LRP1B: variants seen among roughly 807,000 people sequenced by gnomAD.
The protein encoded by LRP1B is LDL receptor related protein 1B, also known as low-density lipoprotein receptor-related protein 1B.
LRP1B carries 217 observed loss-of-function variants against 556.6 expected under a neutral mutation model. That is an observed-to-expected ratio of 0.39 (90% CI 0.35 to 0.44). The LOEUF is 0.44. Ranked by LOEUF, LRP1B falls within the 20% of genes least tolerant of loss-of-function variation. The pLI is 1.00. For synonymous variants in LRP1B, 2,047 were observed against 1,865.8 expected (o/e 1.10, Z -2.50); for missense variants, 5,053 against 5,620.8 (o/e 0.90, Z 3.23).
chr2:140,926,957 C>T (rs1320456399), intron 20 of LRP1B, among the ~76,000 whole-genome samples: 1 of 152,070 alleles, frequency 6.6e-6, no homozygotes, highest in Admixed American at 6.6e-5. Context: ...ATATTCATTA[C>T]ATCAGATTGA....
chr2:140,532,727 T>G (rs973472756), intron 47 of LRP1B, among the ~76,000 whole-genome samples: 4 of 151,942 alleles, frequency 2.6e-5, no homozygotes, highest in Non-Finnish European at 5.9e-5. Context: ...ATATGTAATC[T>G]GTCTGTGACT....
chr2:141,466,852 ACTTTT>A lies in LRP1B; in HGVS notation c.343+13539_343+13543del, dbSNP rs201148606. Among the ~76,000 whole-genome samples, 150 of 151,314 alleles carry A rather than the reference ACTTTT, an allele frequency of 9.9e-4. 3 individuals are homozygous for A. The highest frequency in any genetic ancestry group is 3.3e-3 in the African/African-American group (135 of 41,068). On this transcript the variant is annotated intron_variant, in intron 3 of 90. Transcript: ENST00000389484. ...AGAAAATGTAAAATTCTGTAAAACT[ACTTTT>A]TTTTTTAATCCAGTCTTTTAAAGAT...
chr2:142,067,363 T>C (rs1445213227), intron 1 of LRP1B, among the ~76,000 whole-genome samples: 1 of 151,442 alleles, frequency 6.6e-6, no homozygotes, highest in Non-Finnish European at 1.5e-5. Context: ...GTTTAAAAAA[T>C]GTAATATATT....
intron 5 of LRP1B, among the ~76,000 whole-genome samples, chr2:141,237,921 CTG>C (rs1683704826): frequency 6.6e-6 from 1 of 152,066 alleles, no homozygotes; most frequent in South Asian, 2.1e-4. Context: ...ATATGGGGGA[CTG>C]TTTGAATATG....
chr2:140,759,713 G>A (rs1285474854), intron 35 of LRP1B, among the ~76,000 whole-genome samples: 1 of 152,136 alleles, frequency 6.6e-6, no homozygotes, highest in Admixed American at 6.5e-5. Context: ...GGCAATACTG[G>A]AACTCAGTCT....
At chr2:140,373,759 G>A (rs370410261) in intron 68 of LRP1B, among the ~76,000 whole-genome samples, 14 of 152,166 alleles carry the variant, frequency 9.2e-5, no homozygotes, top group African/African-American at 2.9e-4. Context: ...CTCGAGTCTA[G>A]GCAACATAGT....
At chr2:141,792,343 A>G (rs1695641999) in intron 2 of LRP1B, among the ~76,000 whole-genome samples, 1 of 152,008 alleles carries the variant, frequency 6.6e-6, no homozygotes, top group Non-Finnish European at 1.5e-5. Context: ...TGAAATAATA[A>G]TTTATGAATC....
chr2:140,270,180 A>G, intron 86 of LRP1B, 62 bp downstream of exon 86: 1 of 1,137,752 alleles, frequency 8.8e-7, no homozygotes, highest in South Asian at 1.2e-5. Flanking sequence ...ATAATAGAAC[A>G]GGGATTTCAT....
intron 20 of LRP1B, among the ~76,000 whole-genome samples, chr2:140,930,434 A>G (rs1026582524): frequency 6.6e-6 from 1 of 152,098 alleles, no homozygotes; most frequent in Non-Finnish European, 1.5e-5. Context: ...AAGACTAGCA[A>G]CTGTACAGTG....
intron 3 of LRP1B, among the ~76,000 whole-genome samples, chr2:141,262,084 T>C (rs2105353011): frequency 6.6e-6 from 1 of 152,300 alleles, no homozygotes; most frequent in African/African-American, 2.4e-5. Flanking sequence ...TTTTTAGTCA[T>C]TTGAGTATAT....
At chr2:141,858,019 A>G (rs1698117103) in intron 1 of LRP1B, among the ~76,000 whole-genome samples, 1 of 152,164 alleles carries the variant, frequency 6.6e-6, no homozygotes, top group South Asian at 2.1e-4. Context: ...ATCTTTTGAC[A>G]TCCAATTATG....
At chr2:142,013,765 A>C (rs1261967788) in intron 1 of LRP1B, among the ~76,000 whole-genome samples, 2 of 152,160 alleles carry the variant, frequency 1.3e-5, no homozygotes, top group East Asian at 3.8e-4. Context: ...TTTGGATTGT[A>C]CAGTGATTAG....
intron 66 of LRP1B, among the ~76,000 whole-genome samples, chr2:140,429,472 G>A (rs544449101): frequency 2.2e-4 from 33 of 152,046 alleles, no homozygotes; most frequent in African/African-American, 7.2e-4. Context: ...ACCCATCAGG[G>A]TCAGCAAATT....
chr2:140,720,571 A>C (rs1687365670), intron 35 of LRP1B, among the ~76,000 whole-genome samples: 1 of 152,098 alleles, frequency 6.6e-6, no homozygotes, highest in Non-Finnish European at 1.5e-5. Context: ...TACATTTTTT[A>C]GTTGGGAGAA....
intron 23 of LRP1B, among the ~76,000 whole-genome samples, chr2:140,889,058 A>T (rs2105197853): frequency 6.6e-6 from 1 of 152,324 alleles, no homozygotes; most frequent in African/African-American, 2.4e-5. Flanking sequence ...GAAAAAAAGT[A>T]AAACCTACAA....
intron 35 of LRP1B, among the ~76,000 whole-genome samples, chr2:140,721,907 A>C (rs1687418124): frequency 6.6e-6 from 1 of 151,788 alleles, no homozygotes; most frequent in Admixed American, 6.6e-5. Flanking sequence ...TAAGTATATA[A>C]ATTTTAAGTG....
Position 141,782,514 on chromosome 2 carries a change from C to CTT in LRP1B, c.205+27763_205+27764dup, listed in dbSNP as rs5834867. 6.3e-3 allele frequency among the ~76,000 whole-genome samples: 615 copies of CTT among 97,816 alleles called. 18 individuals are homozygous for CTT. The highest frequency in any genetic ancestry group is 0.011 in the African/African-American group (256 of 22,716). The allele number at this position is 97,816 out of a possible 152,430, so 64.2% of individuals were successfully genotyped here. ...ACATTTCTTTGCATGTTCTATTTTC[C>CTT]TTTTTTTTTTTTTTTTTTTGGTAGC... On this transcript the variant is annotated intron_variant, in intron 2 of 90. Coordinates refer to ENST00000389484, the MANE Select transcript of LRP1B (RefSeq NM_018557.3).
intron 43 of LRP1B, among the ~76,000 whole-genome samples, chr2:140,545,082 CAT>C (rs1476023694): frequency 4.6e-5 from 7 of 150,632 alleles, no homozygotes; most frequent in Non-Finnish European, 1.5e-5. Flanking sequence ...TTTTTCACTG[CAT>C]ATATGTCTTC....
intron 59 of LRP1B, among the ~76,000 whole-genome samples, chr2:140,476,032 G>A (rs866640131): frequency 6.6e-6 from 1 of 151,704 alleles, no homozygotes; most frequent in African/African-American, 2.4e-5. Context: ...CAAAAGTGGG[G>A]AAAAAACAGG....
Sources: allele counts gnomAD v4.1 joint callset (sites outside exome capture counted in the v4.1 genomes callset), GRCh38; gene constraint gnomAD v4.1.1; transcripts MANE v1.5; gene names NCBI Gene and HGNC (gene_info 2026-07-23, HGNC 2026-07-21).